PLA2G4D: variants seen among roughly 807,000 people sequenced by gnomAD.
PLA2G4D encodes cytosolic phospholipase A2 delta.
Under a neutral mutation model 94.4 loss-of-function variants are expected in PLA2G4D, and 80 were observed. The observed-to-expected ratio is 0.85, with a 90% CI of 0.71 to 1.02. The LOEUF (loss-of-function observed/expected upper bound fraction) is 1.02. Ranked by LOEUF, PLA2G4D falls within the 50% of genes least tolerant of loss-of-function variation. The pLI is 0.00. For synonymous variants in PLA2G4D, 438 were observed against 440.9 expected (o/e 0.99, Z 0.08); for missense variants, 1,050 against 1,034.7 (o/e 1.01, Z -0.20).
Position 42,086,194 on chromosome 15 carries a change from T to TTGGGGGGC in PLA2G4D, c.387+18_387+19insGCCCCCCA. The TTGGGGGGC allele has an allele frequency of 7.3e-6, 10 of 1,370,434 alleles. No individual in the cohort carries two copies. Among genetic ancestry groups the TTGGGGGGC allele is most frequent in the Non-Finnish European group, 9.6e-6 (10 of 1,043,074 alleles). The allele number at this position is 1,370,434 out of a possible 1,614,324, so 84.9% of individuals were successfully genotyped here. ...GGAAGAAGTGGGGCCCACGGGGACTTCCCCACCCACCCACCCACCTGGGGA... is the reference window on the plus strand; with the variant it reads ...GGAAGAAGTGGGGCCCACGGGGACTTTGGGGGGCCCCCACCCACCCACCCACCTGGGGA... On this transcript the variant is annotated intron_variant, in intron 4 of 19. Coordinates refer to ENST00000290472, the MANE Select transcript of PLA2G4D (RefSeq NM_178034.4).
At position 42,068,454 on chromosome 15, in the gene PLA2G4D, TGTG is replaced by T; in HGVS notation, c.*258_*260del. Reference sequence around the variant, plus strand: ...TATCCTGCTCAGGCATGGAAGTAATTGTGGTGTGAAAGTCTGTCTGGTTGGACC... The same window carrying T: ...TATCCTGCTCAGGCATGGAAGTAATTGTGTGAAAGTCTGTCTGGTTGGACC... On this transcript the variant is annotated 3_prime_UTR_variant, in exon 20 of 20. Coordinates refer to ENST00000290472, the MANE Select transcript of PLA2G4D (RefSeq NM_178034.4). 2.0e-6 allele frequency: 1 copy of T among 505,160 alleles called. No individual in the cohort carries two copies. The highest frequency in any genetic ancestry group is 3.6e-6 in the Non-Finnish European group (1 of 279,164). 31.3% of individuals were successfully genotyped at this position (505,160 alleles called of 1,614,324 possible).
Position 42,068,828 on chromosome 15 carries a change from G to T in PLA2G4D, c.2344C>A (p.Leu782Met). 6.2e-7 allele frequency: 1 copy of T among 1,614,016 alleles called. No homozygotes were observed. Among genetic ancestry groups the T allele is most frequent in the Non-Finnish European group, 8.5e-7 (1 of 1,179,970 alleles). ...TGCACGTTGTAGTCACTGAGCCGCA[G>T]CAGGCGCTCGAAGTCTTCCTCCTTG... The part of the protein sequence containing the change: ...TYKEEDFERL[L>M]RLSDYNVQTS... The change falls in exon 20 of 20, where the codon CTG (leucine) becomes ATG (methionine). Residue 782 changes from leucine (L) to methionine (M), a missense_variant. Leu to Met is a conservative substitution (Grantham distance 15, BLOSUM62 2). Transcript: ENST00000290472.
chr15:42,070,893 A>C lies in PLA2G4D; in HGVS notation c.1877-10T>G. 6.2e-7 allele frequency: 1 copy of C among 1,609,088 alleles called. No individual in the cohort carries two copies. Among genetic ancestry groups the C allele is most frequent in the Non-Finnish European group, 8.5e-7 (1 of 1,177,920 alleles). On this transcript the variant is annotated splice_polypyrimidine_tract_variant and intron_variant, in intron 17 of 19. Transcript: ENST00000290472. ...GAGTCAAGCTGGTAGTCTGGTGGGA[A>C]TCGCAGGATGGTCAGAGGCCACCAC...
At chr15:42,092,317 ACCCCCGTCTAT>A (rs1360843874) in intron 1 of PLA2G4D, among the ~76,000 whole-genome samples, 4 of 151,758 alleles carry the variant, frequency 2.6e-5, no homozygotes, top group African/African-American at 9.7e-5. Flanking sequence ...AGAGCTCACA[ACCCCCGTCTAT>A]TCTACCTTCC....
chr15:42,074,883 T>C (rs1300986366), intron 13 of PLA2G4D, among the ~76,000 whole-genome samples: 1 of 152,144 alleles, frequency 6.6e-6, no homozygotes, highest in Non-Finnish European at 1.5e-5. Flanking sequence ...AAAAAAATAA[T>C]AAATTAAAAA....
At chr15:42,074,819 T>C (rs1889887306) in intron 13 of PLA2G4D, among the ~76,000 whole-genome samples, 1 of 152,236 alleles carries the variant, frequency 6.6e-6, no homozygotes, top group Admixed American at 6.5e-5. Flanking sequence ...AACATTATTT[T>C]GTAAAGTCTA....
chr15:42,073,889 C>T (rs191623243), intron 13 of PLA2G4D, among the ~76,000 whole-genome samples: 28 of 152,258 alleles, frequency 1.8e-4, no homozygotes, highest in African/African-American at 6.5e-4. Flanking sequence ...CTGTCCCTGA[C>T]GAGAACACTC....
rs775599625 is a variant in PLA2G4D, at chr15:42,079,588, C to T, written c.1266G>A (p.Thr422=). ...LELRAEQGHP[T]TFVDLWALVL... ...CTAGCGCCCACAGGTCCACAAAGGT[C>T]GTGGGGTGGCCCTGCTCAGCCCGCA... The change falls in exon 13 of 20, where the codon ACG becomes ACA. Residue 422 remains threonine, a synonymous_variant. Coordinates refer to ENST00000290472, the MANE Select transcript of PLA2G4D (RefSeq NM_178034.4). 1 of 1,608,976 alleles carries T rather than the reference C, an allele frequency of 6.2e-7. No individual in the cohort carries two copies. The highest frequency in any genetic ancestry group is 8.5e-7 in the Non-Finnish European group (1 of 1,178,726).
chr15:42,083,733 C>T lies in PLA2G4D; in HGVS notation c.518G>A (p.Ser173Asn), dbSNP rs151147795. The change falls in exon 7 of 20, where the codon AGC becomes AAC. Residue 173 changes from serine to asparagine, a missense_variant. Ser to Asn is a conservative substitution (Grantham distance 46). Transcript: ENST00000290472. The stretch of plus-strand genomic sequence containing the variant: ...GGTCTCACCTGCAACCACAGCGGTG[C>T]TCCCTGTGCTGTCCAGATGCACATC... ...CLDVHLDSTG[S>N]TAVVADQDKL... is the part of the protein sequence containing the mutation. 1 of 1,614,046 alleles carries T rather than the reference C, an allele frequency of 6.2e-7. No individual in the cohort carries two copies. Among genetic ancestry groups the T allele is most frequent in the East Asian group, 2.2e-5 (1 of 44,880 alleles).
chr15:42,072,438 T>G (rs770162563), intron 13 of PLA2G4D, 46 bp from the exon 14 acceptor site: 2 of 1,504,508 alleles, frequency 1.3e-6, no homozygotes, highest in East Asian at 2.3e-5. Context: ...GGGAGTACCC[T>G]GGAGGCAGTG....
Position 42,069,907 on chromosome 15 carries a change from A to T in PLA2G4D, c.2230+2T>A. 1 of 1,412,210 alleles carries T rather than the reference A, an allele frequency of 7.1e-7. No homozygotes were observed. Among genetic ancestry groups the T allele is most frequent in the Non-Finnish European group, 9.2e-7 (1 of 1,083,138 alleles). The allele number at this position is 1,412,210 out of a possible 1,614,324, so 87.5% of individuals were successfully genotyped here. A position where few individuals can be genotyped will look rare whatever the true frequency, so the allele number is the denominator to read the frequency against. ...CTGGGTGCTTGGGAGGGGCTGCCTC[A>T]CCGGGGGCTGAGTGGTCCTTGAAGG... On this transcript the variant is annotated splice_donor_variant, in intron 19 of 19. Transcript: ENST00000290472. LOFTEE classifies it high-confidence loss of function.
chr15:42,086,232 G>C lies in PLA2G4D; in HGVS notation c.368C>G (p.Thr123Ser), dbSNP rs757388815. 1.4e-5 allele frequency: 21 copies of C among 1,532,264 alleles called. No individual in the cohort carries two copies. The South Asian group carries it at 2.4e-4, about 17-fold the overall frequency. 94.9% of individuals were successfully genotyped at this position (1,532,264 alleles called of 1,614,324 possible). ...ACCCACCTGGGGACTCTGGGAGAAG[G>C]TTTTCCGGAGCAGCTTGCCAGGGAG... ...EVLPGKLLRK[T>S]FSQSPQGEEE... is the part of the protein sequence containing the mutation. The change falls in exon 4 of 20, where the codon ACC becomes AGC. Residue 123 changes from threonine to serine, a missense_variant. By Grantham distance (58) the Thr-to-Ser change is moderately conservative. Coordinates refer to ENST00000290472, the MANE Select transcript of PLA2G4D (RefSeq NM_178034.4).
chr15:42,077,044 A>G (rs1360794232), intron 13 of PLA2G4D, among the ~76,000 whole-genome samples: 1 of 151,886 alleles, frequency 6.6e-6, no homozygotes, highest in Non-Finnish European at 1.5e-5. Context: ...GAAGAAACAG[A>G]AAAGCTGAAC....
chr15:42,086,393 G>T, intron 3 of PLA2G4D, 49 bp from the exon 4 acceptor site: 2 of 1,595,046 alleles, frequency 1.3e-6, no homozygotes, highest in Non-Finnish European at 1.7e-6. Flanking sequence ...CATAGTGAGA[G>T]TAGCTCACCT....
chr15:42,086,194 T>TGGGGGGGGGGGGCCCCC lies in PLA2G4D; in HGVS notation c.387+18_387+19insGGGGGCCCCCCCCCCCC. On this transcript the variant is annotated intron_variant, in intron 4 of 19. Coordinates refer to ENST00000290472, the MANE Select transcript of PLA2G4D (RefSeq NM_178034.4). ...GGAAGAAGTGGGGCCCACGGGGACT[T>TGGGGGGGGGGGGCCCCC]CCCCACCCACCCACCCACCTGGGGA... The TGGGGGGGGGGGGCCCCC allele has an allele frequency of 4.4e-6, 6 of 1,370,440 alleles. No individual in the cohort carries two copies. The highest frequency in any genetic ancestry group is 5.8e-6 in the Non-Finnish European group (6 of 1,043,080). The allele number at this position is 1,370,440 out of a possible 1,614,324, so 84.9% of individuals were successfully genotyped here.
intron 16 of PLA2G4D, 25 bp downstream of exon 16, chr15:42,071,419 C>T (rs769946067): frequency 6.3e-7 from 1 of 1,593,762 alleles, no homozygotes; most frequent in Non-Finnish European, 8.6e-7. Flanking sequence ...CATCCCAGGC[C>T]CCTCAGTGCC....
At position 42,086,194 on chromosome 15, in the gene PLA2G4D, T is replaced by TTGGGGGGGGGGGGCGG; in HGVS notation, c.387+18_387+19insCCGCCCCCCCCCCCCA. The TTGGGGGGGGGGGGCGG allele has an allele frequency of 2.2e-6, 3 of 1,370,436 alleles. No individual in the cohort carries two copies. The highest frequency in any genetic ancestry group is 2.9e-6 in the Non-Finnish European group (3 of 1,043,078). 84.9% of individuals were successfully genotyped at this position (1,370,436 alleles called of 1,614,324 possible). The stretch of plus-strand genomic sequence containing the variant: ...GGAAGAAGTGGGGCCCACGGGGACT[T>TTGGGGGGGGGGGGCGG]CCCCACCCACCCACCCACCTGGGGA... On this transcript the variant is annotated intron_variant, in intron 4 of 19. Coordinates refer to ENST00000290472, the MANE Select transcript of PLA2G4D (RefSeq NM_178034.4).
intron 13 of PLA2G4D, 26 bp from the exon 14 acceptor site, chr15:42,072,418 A>G (rs779502963): frequency 6.3e-7 from 1 of 1,584,474 alleles, no homozygotes; most frequent in Admixed American, 1.7e-5. Context: ...ATCAGGGCCT[A>G]AGTGAGGCTG....
At chr15:42,079,392 G>A in intron 13 of PLA2G4D, 145 bp downstream of exon 13, 1 of 759,894 alleles carries the variant, frequency 1.3e-6, no homozygotes, top group South Asian at 1.9e-5. Context: ...ACTCAGAAAG[G>A]CAGCATTCCA....
Sources: allele counts gnomAD v4.1 joint callset (sites outside exome capture counted in the v4.1 genomes callset), GRCh38; gene constraint gnomAD v4.1.1; transcripts MANE v1.5; gene names NCBI Gene and HGNC (gene_info 2026-07-23, HGNC 2026-07-21).